THTPA: variants seen among roughly 807,000 people sequenced by gnomAD.
The protein encoded by THTPA is thiamine triphosphatase.
A neutral mutation model predicts 16.5 loss-of-function variants in THTPA; 16 were observed. The observed-to-expected ratio is 0.97, with a 90% CI of 0.66 to 1.47. The LOEUF is 1.47. THTPA is among the 40% of genes most tolerant of loss of function. THTPA has a pLI of 0.00. For synonymous variants in THTPA, 110 were observed against 115.5 expected, an observed-to-expected ratio of 0.95 and a Z score of 0.30; for missense variants, 281 against 280.9, an observed-to-expected ratio of 1.00 and a Z score of 0.00.
chr14:23,531,356 T>G, the THTPA span: 2 of 1,272,928 alleles, frequency 1.6e-6, no homozygotes, highest in Non-Finnish European at 2.0e-6. Context: ...CTTCTTCCCA[T>G]TTAGTATAGG....
chr14:23,547,121 T>TC, the THTPA span, among the ~76,000 whole-genome samples: 2 of 152,178 alleles, frequency 1.3e-5, no homozygotes, highest in Non-Finnish European at 2.9e-5. Context: ...ATCTCTTGCC[T>TC]CCCCCTCTTC....
the THTPA span, among the ~76,000 whole-genome samples, chr14:23,520,496 C>T: frequency 6.6e-6 from 1 of 152,184 alleles, no homozygotes; most frequent in Non-Finnish European, 1.5e-5. This position sits in a 1 kb window ranked among gnomAD's most constrained non-coding sequence, Gnocchi z 8.7. Flanking sequence ...AAATACCCCA[C>T]TCACCCCCTT....
At chr14:23,516,648 A>G in the THTPA span, among the ~76,000 whole-genome samples, 82 of 152,308 alleles carry the variant, frequency 5.4e-4, no homozygotes, top group African/African-American at 1.9e-3. Flanking sequence ...AAAATTGTGT[A>G]GATTTTGTGG....
At position 23,559,676 on chromosome 14, in the gene THTPA, G is replaced by A. The variant is rs1883087659; in HGVS notation, c.*836G>A. On this transcript the variant is annotated 3_prime_UTR_variant, in exon 2 of 2. Transcript: ENST00000288014. Reference sequence around the variant, plus strand: ...AGCGCCACCTGCTGGTAGCCCTCAGGTGTAGGTTCGAAGCTGCTGGGGCCC... The same window carrying A: ...AGCGCCACCTGCTGGTAGCCCTCAGATGTAGGTTCGAAGCTGCTGGGGCCC... 2.2e-6 allele frequency: 3 copies of A among 1,388,910 alleles called. No homozygotes were observed. Among genetic ancestry groups the A allele is most frequent in the Admixed American group, 1.8e-5 (1 of 54,520 alleles). The allele number at this position is 1,388,910 out of a possible 1,614,324, so 86.0% of individuals were successfully genotyped here.
At chr14:23,517,655 G>A in the THTPA span, among the ~76,000 whole-genome samples, 1 of 152,136 alleles carries the variant, frequency 6.6e-6, no homozygotes, top group Non-Finnish European at 1.5e-5. Flanking sequence ...CTTCCCTGAT[G>A]TCCAGAATAA....
the THTPA span, chr14:23,525,198 T>C: frequency 3.3e-6 from 5 of 1,536,118 alleles, no homozygotes; most frequent in Admixed American, 9.8e-5. The surrounding 1 kb of genome is among the most constrained non-coding windows in gnomAD (Gnocchi z 5.9). Context: ...CCTCTGGAGC[T>C]TTCTTCCTCT....
the THTPA span, chr14:23,525,709 C>G: frequency 2.0e-6 from 3 of 1,521,416 alleles, no homozygotes; most frequent in Non-Finnish European, 2.6e-6. This position sits in a 1 kb window ranked among gnomAD's most constrained non-coding sequence, Gnocchi z 5.9. Context: ...TGGGGGGCCG[C>G]TCCCACTCCC....
At position 23,556,597 on chromosome 14, in the gene THTPA, G is replaced by T. The variant is rs1882398408; in HGVS notation, c.-161G>T. 9 of 725,476 alleles carry T rather than the reference G, an allele frequency of 1.2e-5. No homozygotes were observed. The South Asian group carries it at 1.8e-4, about 14-fold the overall frequency. 44.9% of individuals were successfully genotyped at this position (725,476 alleles called of 1,614,324 possible). On this transcript the variant is annotated 5_prime_UTR_variant, in exon 1 of 2. Coordinates refer to ENST00000288014, the MANE Select transcript of THTPA (RefSeq NM_024328.6). Reference sequence around the variant, plus strand: ...GGGGCCTTAATGTCACCGAGGTAGAGAGAAAAGGGCAGTAGCCCTAGAGAC... The same window carrying T: ...GGGGCCTTAATGTCACCGAGGTAGATAGAAAAGGGCAGTAGCCCTAGAGAC...
the THTPA span, chr14:23,527,739 G>A: frequency 6.5e-7 from 1 of 1,536,148 alleles, no homozygotes; most frequent in Non-Finnish European, 8.7e-7. Flanking sequence ...CATGCTGGGA[G>A]AGTGTATGAG....
At position 23,557,095 on chromosome 14, in the gene THTPA, T is replaced by TG; in HGVS notation, c.342dup (p.Leu115AlafsTer6). On this transcript the variant is annotated frameshift_variant, in exon 1 of 2. Coordinates refer to ENST00000288014, the MANE Select transcript of THTPA (RefSeq NM_024328.6). LOFTEE classifies it high-confidence loss of function. ...GATGTGGCTGCTGTGCTGGGCCCACTGGGGCTGCAGGAAGTAGCTAGTTTT... is the reference window on the plus strand; with the variant it reads ...GATGTGGCTGCTGTGCTGGGCCCACTGGGGGCTGCAGGAAGTAGCTAGTTTT... 6.2e-7 allele frequency: 1 copy of TG among 1,614,144 alleles called. No individual in the cohort carries two copies.
Position 23,556,802 on chromosome 14 carries a change from G to T in THTPA, c.45G>T (p.Gly15=), listed in dbSNP as rs148926896. 13 of 1,613,680 alleles carry T rather than the reference G, an allele frequency of 8.1e-6. No homozygotes were observed. In the African/African-American group the frequency reaches 1.7e-4, roughly 22 times the overall value. Residue 15 remains glycine, a synonymous_variant, in exon 1 of 2, where the codon GGG becomes GGT. Transcript: ENST00000288014. The part of the protein sequence containing the change: ...LIEVERKFLP[G]PGTEERLQEL... ...AGGTGGAGCGAAAGTTCCTTCCAGG[G>T]CCTGGCACAGAGGAGCGGCTGCAGG...
At chr14:23,532,567 C>T in the THTPA span, 1 of 1,440,296 alleles carries the variant, frequency 6.9e-7, no homozygotes, top group Non-Finnish European at 9.1e-7. Context: ...CCAGCCTCAC[C>T]TTATAGATTT....
At chr14:23,553,304 A>C (rs1347318014), upstream of THTPA, among the ~76,000 whole-genome samples, 2 of 152,220 alleles carry the variant, frequency 1.3e-5, no homozygotes, top group South Asian at 4.1e-4. Flanking sequence ...TTTCTCAATG[A>C]AAAAGCAGAG....
the THTPA span, among the ~76,000 whole-genome samples, chr14:23,519,426 A>T: frequency 1.8e-4 from 28 of 152,174 alleles, no homozygotes; most frequent in Admixed American, 1.8e-3. Flanking sequence ...AAATAGTTTT[A>T]TATATAGAAT....
upstream of THTPA, among the ~76,000 whole-genome samples, chr14:23,552,132 G>C (rs917694216): frequency 1.3e-5 from 2 of 151,854 alleles, no homozygotes; most frequent in African/African-American, 4.8e-5. Flanking sequence ...CTCCCCCCGC[G>C]AAATTGGGTA....
chr14:23,558,034 C>T (rs909119033), intron 1 of THTPA, among the ~76,000 whole-genome samples: 3 of 152,238 alleles, frequency 2.0e-5, no homozygotes, highest in African/African-American at 7.2e-5. Flanking sequence ...GCATAATTCC[C>T]TTGTAGACAG....
the THTPA span, chr14:23,527,112 A>G: frequency 7.7e-7 from 1 of 1,295,648 alleles, no homozygotes; most frequent in South Asian, 1.9e-5. Context: ...CAAACCTCCC[A>G]CCTAATTGCT....
At chr14:23,535,300 G>A in the THTPA span, 1 of 1,470,786 alleles carries the variant, frequency 6.8e-7, no homozygotes, top group Non-Finnish European at 9.0e-7. The surrounding 1 kb of genome is among the most constrained non-coding windows in gnomAD (Gnocchi z 4.5). Context: ...GGTACCAGTG[G>A]TAGAGGCTGA....
the THTPA span, chr14:23,530,019 T>C: frequency 8.2e-7 from 1 of 1,226,912 alleles, no homozygotes; most frequent in African/African-American, 1.5e-5. Context: ...TAATCAGTTT[T>C]GCTCCTTGAG....
Sources: allele counts gnomAD v4.1 joint callset (sites outside exome capture counted in the v4.1 genomes callset), GRCh38; gene constraint gnomAD v4.1.1; non-coding constraint Gnocchi (gnomAD v3.1); transcripts MANE v1.5; gene names NCBI Gene and HGNC (gene_info 2026-07-23, HGNC 2026-07-21).